Variants in TBC1D8 observed in about 807,000 individuals in gnomAD.
The protein encoded by TBC1D8 is TBC1 domain family member 8.
In TBC1D8, 65 loss-of-function variants were observed where a neutral mutation model predicts 118.8. The observed-to-expected ratio is 0.55, with a 90% CI of 0.45 to 0.67. TBC1D8 has a LOEUF of 0.67. Among genes scored for constraint, TBC1D8 ranks in the 30% least tolerant of loss-of-function variants. TBC1D8 has a pLI of 0.00. For missense variants in TBC1D8, 1,376 were observed against 1,471.2 expected (o/e 0.94, Z 1.06); for synonymous variants, 566 against 595.8 (o/e 0.95, Z 0.73).
chr2:101,072,087 C>T (rs1212974275), intron 2 of TBC1D8, among the ~76,000 whole-genome samples: 1 of 152,188 alleles, frequency 6.6e-6, no homozygotes, highest in Non-Finnish European at 1.5e-5. Context: ...TCTTGGGCAA[C>T]CAGGTGCATT....
In TBC1D8 at chr2:101,007,736, T is replaced by TC; in HGVS notation, c.*84dup. On this transcript the variant is annotated 3_prime_UTR_variant, in exon 20 of 20. Transcript: ENST00000409318. ...GCCCCATTGGTAAGGTAGACTGAAA[T>TC]CTCGGTTTAGGGCTGACCCCAAGAA... 2.1e-6 allele frequency: 3 copies of TC among 1,400,992 alleles called. No individual in the cohort carries two copies. Among genetic ancestry groups the TC allele is most frequent in the Non-Finnish European group, 2.9e-6 (3 of 1,023,740 alleles). 86.8% of individuals were successfully genotyped at this position (1,400,992 alleles called of 1,614,324 possible).
At chr2:101,081,140 G>A (rs1675237611) in intron 2 of TBC1D8, among the ~76,000 whole-genome samples, 1 of 152,056 alleles carries the variant, frequency 6.6e-6, no homozygotes, top group South Asian at 2.1e-4. Context: ...CTTCTTTAAC[G>A]ATCTTTAACA....
intron 1 of TBC1D8, among the ~76,000 whole-genome samples, chr2:101,137,374 A>G (rs1374419390): frequency 6.7e-6 from 1 of 149,966 alleles, no homozygotes; most frequent in Non-Finnish European, 1.5e-5. Context: ...GTGCAGTGGC[A>G]TGATCTCGGC....
In TBC1D8 at chr2:101,120,555, G is replaced by A. The variant is rs142269147; in HGVS notation, c.128-30191C>T. ...CTGATGCATCTGCCAGCTAAAATCTGCCTAGGAAAACATAAAGTACAGGCA... is the reference window on the plus strand; with the variant it reads ...CTGATGCATCTGCCAGCTAAAATCTACCTAGGAAAACATAAAGTACAGGCA... On this transcript the variant is annotated intron_variant, in intron 1 of 19. Coordinates refer to ENST00000409318, the MANE Select transcript of TBC1D8 (RefSeq NM_001330348.2). Among the ~76,000 whole-genome samples, 8 of 152,322 alleles carry A rather than the reference G, an allele frequency of 5.3e-5. No homozygotes were observed. The East Asian group carries it at 1.3e-3, about 26-fold the overall frequency.
intron 2 of TBC1D8, among the ~76,000 whole-genome samples, chr2:101,061,048 C>CA (rs1468388374): frequency 1.3e-5 from 2 of 152,100 alleles, no homozygotes. Context: ...ATTAGCCAGT[C>CA]ACGGTGGTGG....
intron 1 of TBC1D8, among the ~76,000 whole-genome samples, chr2:101,095,416 CA>C (rs1289884971): frequency 7.3e-6 from 1 of 136,544 alleles, no homozygotes; most frequent in Non-Finnish European, 1.6e-5. Context: ...CCCCACCCCA[CA>C]ACAGTCCCCG....
chr2:101,034,300 C>T (rs1242126338), intron 9 of TBC1D8, among the ~76,000 whole-genome samples: 1 of 152,202 alleles, frequency 6.6e-6, no homozygotes, highest in Non-Finnish European at 1.5e-5. Context: ...ACTGTATTCC[C>T]TAGTAGCAGC....
chr2:101,040,542 T>C (rs1221880729), intron 5 of TBC1D8, among the ~76,000 whole-genome samples, 157 bp from the exon 6 acceptor site: 1 of 152,226 alleles, frequency 6.6e-6, no homozygotes, highest in Non-Finnish European at 1.5e-5. Flanking sequence ...CGAGCTCAGC[T>C]CACTGCAACC....
chr2:101,132,175 A>G (rs1201939240), intron 1 of TBC1D8, among the ~76,000 whole-genome samples: 8 of 152,196 alleles, frequency 5.3e-5, no homozygotes, highest in African/African-American at 1.9e-4. Context: ...CCCATTCACT[A>G]TATCATTTGC....
At chr2:101,063,046 T>G (rs542916590) in intron 2 of TBC1D8, among the ~76,000 whole-genome samples, 5 of 152,274 alleles carry the variant, frequency 3.3e-5, no homozygotes, top group Admixed American at 2.6e-4. Context: ...CAGCGAGCTG[T>G]CTCCCTCCAC....
chr2:101,066,511 A>G (rs761185230), intron 2 of TBC1D8, among the ~76,000 whole-genome samples: 4 of 152,222 alleles, frequency 2.6e-5, no homozygotes, highest in Non-Finnish European at 1.5e-5. Context: ...AAATAATTAC[A>G]CAGCAAAAAT....
At chr2:101,090,885 T>C (rs1428614465) in intron 1 of TBC1D8, among the ~76,000 whole-genome samples, 2 of 152,230 alleles carry the variant, frequency 1.3e-5, no homozygotes, top group South Asian at 2.1e-4. Context: ...TGCAAGCCCA[T>C]AAAAAGTACT....
chr2:101,040,360 C>A lies in TBC1D8; in HGVS notation c.898G>T (p.Glu300Ter), dbSNP rs764507307. The A allele has an allele frequency of 4.2e-5, 67 of 1,605,618 alleles. No individual in the cohort carries two copies. Among genetic ancestry groups the A allele is most frequent in the Non-Finnish European group, 5.5e-5 (65 of 1,175,744 alleles). The stretch of plus-strand genomic sequence containing the variant: ...AACCTGAAGAAAGCCCGGAAGAACT[C>A]ATTCTGTGCTCTGGCTTCCAGGTCC... ...KRDLEARAQN[E>*]FFRAFFRLPR... Residue 300 changes from glutamate to a stop codon, truncating the protein, a stop_gained, in exon 6 of 20, where the codon GAG becomes TAG. Transcript: ENST00000409318. LOFTEE classifies it high-confidence loss of function.
chr2:101,113,073 A>G (rs1366728794), intron 1 of TBC1D8, among the ~76,000 whole-genome samples: 1 of 152,144 alleles, frequency 6.6e-6, no homozygotes, highest in Non-Finnish European at 1.5e-5. Context: ...AACAAGTCCA[A>G]CAGGTATTAC....
At chr2:101,012,227 A>G (rs1253829399) in intron 17 of TBC1D8, among the ~76,000 whole-genome samples, 1 of 152,248 alleles carries the variant, frequency 6.6e-6, no homozygotes, top group Non-Finnish European at 1.5e-5. Flanking sequence ...AAGAGAACTG[A>G]AAGTGTTCAC....
chr2:101,037,663 A>G lies in TBC1D8; in HGVS notation c.1321T>C (p.Phe441Leu), dbSNP rs758457951. The change falls in exon 8 of 20, where the codon TTT (phenylalanine) becomes CTT (leucine). Residue 441 changes from phenylalanine to leucine, a missense_variant. Phe to Leu is a conservative substitution (Grantham distance 22). Coordinates refer to ENST00000409318, the MANE Select transcript of TBC1D8 (RefSeq NM_001330348.2). The stretch of plus-strand genomic sequence containing the variant: ...GAAGACATCATTTCAAGATCCCCAA[A>G]TCTGTGGTCACTGCACATGCTTGTT... ...HSTSMCSDHR[F>L]GDLEMMSSQN... 6.2e-7 allele frequency: 1 copy of G among 1,613,668 alleles called. No individual in the cohort carries two copies. The highest frequency in any genetic ancestry group is 8.5e-7 in the Non-Finnish European group (1 of 1,179,884).
intron 1 of TBC1D8, among the ~76,000 whole-genome samples, chr2:101,149,921 G>A (rs573519459): frequency 6.6e-6 from 1 of 152,310 alleles, no homozygotes; most frequent in African/African-American, 2.4e-5. Context: ...CCAAAGCACC[G>A]CCTCCGTCCA....
intron 1 of TBC1D8, among the ~76,000 whole-genome samples, chr2:101,117,874 CTTTTT>C (rs35760018): frequency 3.6e-4 from 42 of 116,188 alleles, no homozygotes; most frequent in African/African-American, 1.3e-3. Context: ...CGCACCCGGC[CTTTTT>C]TTTTTTTTTT....
intron 5 of TBC1D8, among the ~76,000 whole-genome samples, chr2:101,046,012 TTAAC>T (rs769019365): frequency 2.0e-5 from 3 of 152,210 alleles, no homozygotes; most frequent in East Asian, 3.9e-4. Context: ...AATTAATTAA[TTAAC>T]TAAATCAAAT....
Sources: gnomAD v4.1 joint callset for allele counts (sites outside exome capture counted in the v4.1 genomes callset) on GRCh38, gnomAD v4.1.1 for gene constraint, MANE v1.5 for transcripts, NCBI Gene and HGNC (gene_info 2026-07-23, HGNC 2026-07-21) for gene names.